FFAR4: variants seen among roughly 807,000 people sequenced by gnomAD.
FFAR4 encodes the protein G-protein coupled receptor 120.
Under a neutral mutation model 27.0 loss-of-function variants are expected in FFAR4, and 19 were observed. The observed-to-expected ratio is 0.70, with a 90% CI of 0.49 to 1.03. FFAR4 has a LOEUF of 1.03. Ranked by LOEUF, FFAR4 falls within the 50% of genes least tolerant of loss-of-function variation. FFAR4 has a pLI of 0.00. For missense variants in FFAR4, 476 were observed against 479.0 expected, an observed-to-expected ratio of 0.99 and a Z score of 0.06; for synonymous variants, 254 against 215.6, an observed-to-expected ratio of 1.18 and a Z score of -1.56.
At chr10:93,567,352 G>A (rs970378210) in intron 1 of FFAR4, 65 bp downstream of exon 1, 62 of 1,418,528 alleles carry the variant, frequency 4.4e-5, no homozygotes, top group Non-Finnish European at 5.6e-5. Flanking sequence ...GGCCCCGACG[G>A]AAGCTGGGAT....
At chr10:93,577,843 C>G (rs1005229664) in intron 2 of FFAR4, among the ~76,000 whole-genome samples, 4 of 152,088 alleles carry the variant, frequency 2.6e-5, no homozygotes, top group Admixed American at 2.0e-4. Flanking sequence ...TTCAGGCAGT[C>G]TGACCCTAGA....
chr10:93,567,348 G>C, intron 1 of FFAR4, 61 bp downstream of exon 1: 1 of 1,451,404 alleles, frequency 6.9e-7, no homozygotes, highest in Non-Finnish European at 9.3e-7. Flanking sequence ...GCGGGGCCCC[G>C]ACGGAAGCTG....
At position 93,575,682 on chromosome 10, in the gene FFAR4, T is replaced by C. The variant is rs117347143; in HGVS notation, c.568-409T>C. On this transcript the variant is annotated intron_variant, in intron 1 of 2. Transcript: ENST00000371481. Reference sequence around the variant, plus strand: ...CGTTCCTGTTTTGATATGTTTGTTATGTAGCATGTCCTTTCCGATCTCTGT... The same window carrying C: ...CGTTCCTGTTTTGATATGTTTGTTACGTAGCATGTCCTTTCCGATCTCTGT... 7.4e-3 allele frequency among the ~76,000 whole-genome samples: 1,122 copies of C among 152,374 alleles called. 5 individuals carry two copies. The highest frequency in any genetic ancestry group is 0.014 in the Middle Eastern group (4 of 294).
chr10:93,587,282 C>A lies in FFAR4; in HGVS notation c.759C>A (p.Ile253=). 6.2e-7 allele frequency: 1 copy of A among 1,614,162 alleles called. No individual in the cohort carries two copies. The highest frequency in any genetic ancestry group is 8.5e-7 in the Non-Finnish European group (1 of 1,180,006). ...VSLAYSESHQ[I]RVSQQDFRLF... is the part of the protein sequence containing the mutation. ...TGGCCTACTCGGAGAGCCACCAGAT[C>A]CGCGTGTCCCAGCAGGACTTCCGGC... Residue 253 remains isoleucine (I), a synonymous_variant, in exon 3 of 3, where the codon ATC becomes ATA. Transcript: ENST00000371481.
At position 93,567,161 on chromosome 10, in the gene FFAR4, G is replaced by T; in HGVS notation, c.441G>T (p.Val147=). The change falls in exon 1 of 3, where the codon GTG becomes GTT. Residue 147 remains valine (V), a synonymous_variant. Coordinates refer to ENST00000371481, the MANE Select transcript of FFAR4 (RefSeq NM_001195755.2). ...GCATCGTGCACCTGCAGCGCGGCGT[G>T]CGGGGTCCTGGGCGGCGGGCGCGGG... ...MVCIVHLQRG[V]RGPGRRARAV... The T allele has an allele frequency of 6.2e-7, 1 of 1,604,996 alleles. No homozygotes were observed.
At position 93,577,129 on chromosome 10, in the gene FFAR4, C is replaced by T. The variant is rs1285560465; in HGVS notation, c.696+910C>T. Among the ~76,000 whole-genome samples the T allele has an allele frequency of 5.3e-5, 8 of 152,200 alleles. No individual in the cohort carries two copies. The East Asian group carries it at 7.7e-4, about 15-fold the overall frequency. On this transcript the variant is annotated intron_variant, in intron 2 of 2. Coordinates refer to ENST00000371481, the MANE Select transcript of FFAR4 (RefSeq NM_001195755.2). ...GGACGAGTCAGCCTGTTTTATATCTCGTAAGGTAGCCCATTTGTGAGTAAG... is the reference window on the plus strand; with the variant it reads ...GGACGAGTCAGCCTGTTTTATATCTTGTAAGGTAGCCCATTTGTGAGTAAG...
At chr10:93,586,875 T>C (rs931982013) in intron 2 of FFAR4, among the ~76,000 whole-genome samples, 12 of 152,348 alleles carry the variant, frequency 7.9e-5, no homozygotes, top group South Asian at 2.1e-4. Flanking sequence ...AGTATAGCAT[T>C]GTTTGAGTTT....
In FFAR4 at chr10:93,566,697, G is replaced by A. The variant is rs367594347; in HGVS notation, c.-24G>A. ...TCCCAGATGAGCACTCTCTCAGACC[G>A]CTGCGGGCCGCCAGGCGCCGGGAAT... is the stretch of plus-strand genomic sequence containing the variant. On this transcript the variant is annotated 5_prime_UTR_variant, in exon 1 of 3. Transcript: ENST00000371481. 385 of 1,493,738 alleles carry A rather than the reference G, an allele frequency of 2.6e-4. 1 individual carries two copies. In the African/African-American group the frequency reaches 5.0e-3, roughly 19 times the overall value. 92.5% of individuals were successfully genotyped at this position (1,493,738 alleles called of 1,614,324 possible).
intron 1 of FFAR4, among the ~76,000 whole-genome samples, chr10:93,573,025 C>T (rs1333174002): frequency 1.3e-5 from 2 of 152,212 alleles, no homozygotes; most frequent in Admixed American, 1.3e-4. Flanking sequence ...CCTCCCTATG[C>T]CCCTGGCCGC....
chr10:93,566,882 G>A lies in FFAR4; in HGVS notation c.162G>A (p.Ser54=), dbSNP rs1196064934. ...TGCTGGTGCTCATCTTTGCAGTGTC[G>A]CTGCTGGGCAACGTGTGCGCCCTGG... ...TTVLVLIFAV[S]LLGNVCALVL... Residue 54 remains serine, a synonymous_variant, in exon 1 of 3, where the codon TCG becomes TCA. Coordinates refer to ENST00000371481, the MANE Select transcript of FFAR4 (RefSeq NM_001195755.2). The A allele has an allele frequency of 6.2e-7, 1 of 1,603,646 alleles. No individual in the cohort carries two copies. The highest frequency in any genetic ancestry group is 1.1e-5 in the South Asian group (1 of 89,812).
intron 1 of FFAR4, among the ~76,000 whole-genome samples, chr10:93,573,772 G>A (rs1019375730): frequency 1.3e-5 from 2 of 152,066 alleles, no homozygotes; most frequent in East Asian, 1.9e-4. Context: ...AAAGGAGAAC[G>A]AGCGTCTTTA....
intron 2 of FFAR4, among the ~76,000 whole-genome samples, chr10:93,577,519 G>T (rs1033795453): frequency 6.6e-6 from 1 of 152,178 alleles, no homozygotes; most frequent in Non-Finnish European, 1.5e-5. Flanking sequence ...GTGACACCCA[G>T]CCTGAGGCTT....
chr10:93,581,536 G>T (rs1267242273), intron 2 of FFAR4, among the ~76,000 whole-genome samples: 2 of 152,190 alleles, frequency 1.3e-5, no homozygotes, highest in Non-Finnish European at 2.9e-5. Context: ...CTGGCATGGG[G>T]TGGCAGAAGG....
At chr10:93,578,094 C>G (rs891277545) in intron 2 of FFAR4, among the ~76,000 whole-genome samples, 5 of 152,086 alleles carry the variant, frequency 3.3e-5, no homozygotes, top group African/African-American at 1.2e-4. Context: ...AAATGCTACA[C>G]AAACGTAAGG....
Position 93,567,152 on chromosome 10 carries a change from G to A in FFAR4, c.432G>A (p.Gln144=). The change falls in exon 1 of 3, where the codon CAG becomes CAA. Residue 144 remains glutamine (Q), a synonymous_variant. Coordinates refer to ENST00000371481, the MANE Select transcript of FFAR4 (RefSeq NM_001195755.2). ...LERMVCIVHL[Q]RGVRGPGRRA... ...GCATGGTGTGCATCGTGCACCTGCA[G>A]CGCGGCGTGCGGGGTCCTGGGCGGC... is the stretch of plus-strand genomic sequence containing the variant. 1.2e-6 allele frequency: 2 copies of A among 1,605,558 alleles called. No homozygotes were observed. The highest frequency in any genetic ancestry group is 1.7e-6 in the Non-Finnish European group (2 of 1,178,472).
intron 1 of FFAR4, among the ~76,000 whole-genome samples, chr10:93,572,252 G>A (rs972312336): frequency 2.6e-5 from 4 of 152,198 alleles, no homozygotes; most frequent in African/African-American, 7.2e-5. Flanking sequence ...AGTCCAGGAA[G>A]CTACTGGGAG....
intron 2 of FFAR4, among the ~76,000 whole-genome samples, chr10:93,584,607 T>C (rs1253385336): frequency 6.6e-6 from 1 of 152,338 alleles, no homozygotes. Context: ...TCTGTTGCCC[T>C]GGTCTCCACC....
intron 1 of FFAR4, among the ~76,000 whole-genome samples, 180 bp from the exon 2 acceptor site, chr10:93,575,911 C>A (rs184198976): frequency 6.6e-6 from 1 of 152,222 alleles, no homozygotes. Flanking sequence ...GGGTCAGGGG[C>A]AAGTGCTTTG....
intron 2 of FFAR4, among the ~76,000 whole-genome samples, chr10:93,577,604 T>C (rs1313156677): frequency 1.3e-5 from 2 of 152,190 alleles, no homozygotes; most frequent in African/African-American, 2.4e-5. Context: ...AGGCATATGA[T>C]AGTGCTATGT....
Sources: gnomAD v4.1 joint callset for allele counts (sites outside exome capture counted in the v4.1 genomes callset) on GRCh38, gnomAD v4.1.1 for gene constraint, MANE v1.5 for transcripts, NCBI Gene and HGNC (gene_info 2026-07-23, HGNC 2026-07-21) for gene names.